Variants in LINGO2 observed in about 807,000 individuals in gnomAD.
The protein encoded by LINGO2 is leucine-rich repeat and immunoglobulin-like domain-containing nogo receptor-interacting protein 2.
Under a neutral mutation model 30.6 loss-of-function variants are expected in LINGO2, and 14 were observed. That is an observed-to-expected ratio of 0.46 (90% CI 0.30 to 0.72). LINGO2 has a LOEUF of 0.72. LINGO2 is among the 30% of genes least tolerant of loss of function. The pLI is 0.07. For synonymous variants in LINGO2, 317 were observed against 288.5 expected (o/e 1.10, Z -1.00); for missense variants, 729 against 751.7 (o/e 0.97, Z 0.35).
chr9:28,084,089 T>TA (rs1265623212), intron 4 of LINGO2, among the ~76,000 whole-genome samples: 1 of 152,162 alleles, frequency 6.6e-6, no homozygotes, highest in Non-Finnish European at 1.5e-5. Context: ...ATTTCTGTAT[T>TA]AATTTCTGTG....
the LINGO2 span, among the ~76,000 whole-genome samples, chr9:28,944,132 T>C: frequency 3.9e-5 from 6 of 152,172 alleles, no homozygotes; most frequent in African/African-American, 1.4e-4. Context: ...TTCTACCACA[T>C]CTAGACAGTT....
intron 4 of LINGO2, among the ~76,000 whole-genome samples, chr9:28,174,133 C>A (rs968461875): frequency 1.3e-5 from 2 of 152,202 alleles, no homozygotes; most frequent in African/African-American, 4.8e-5. Context: ...TTCTGTTAAG[C>A]TATTCCAAAG....
At chr9:28,399,230 T>C (rs1039174115) in intron 2 of LINGO2, among the ~76,000 whole-genome samples, 3 of 152,208 alleles carry the variant, frequency 2.0e-5, no homozygotes, top group Non-Finnish European at 4.4e-5. Flanking sequence ...CAAACCTTTC[T>C]TCTGGGGACT....
chr9:28,213,417 A>T (rs2133867413), intron 4 of LINGO2, among the ~76,000 whole-genome samples: 1 of 151,608 alleles, frequency 6.6e-6, no homozygotes, highest in Non-Finnish European at 1.5e-5. Flanking sequence ...GAGTGATCAA[A>T]CAATTTCAAG....
chr9:29,127,227 A>G, the LINGO2 span, among the ~76,000 whole-genome samples: 2 of 151,984 alleles, frequency 1.3e-5, no homozygotes, highest in South Asian at 4.2e-4. Flanking sequence ...TGTACTCTGA[A>G]ATCTGTGTTT....
At chr9:27,981,844 C>G (rs1219488991) in intron 5 of LINGO2, among the ~76,000 whole-genome samples, 1 of 151,768 alleles carries the variant, frequency 6.6e-6, no homozygotes, top group East Asian at 1.9e-4. Context: ...TTTCTACTCC[C>G]TGACTATTTG....
chr9:28,090,479 A>G (rs1197603106), intron 4 of LINGO2, among the ~76,000 whole-genome samples: 2 of 152,218 alleles, frequency 1.3e-5, no homozygotes, highest in African/African-American at 2.4e-5. Flanking sequence ...GATTATCTCA[A>G]TAGAAGCAGA....
chr9:28,500,905 T>C (rs1819856778), intron 1 of LINGO2, among the ~76,000 whole-genome samples: 1 of 152,054 alleles, frequency 6.6e-6, no homozygotes, highest in Non-Finnish European at 1.5e-5. Flanking sequence ...AATATTAAAT[T>C]AGTCTAAGGT....
chr9:28,736,986 A>G, the LINGO2 span, among the ~76,000 whole-genome samples: 2 of 152,088 alleles, frequency 1.3e-5, no homozygotes, highest in East Asian at 3.9e-4. Flanking sequence ...CTCCTAATTC[A>G]GGCCTTGGGT....
chr9:28,148,710 C>G lies in LINGO2; in HGVS notation c.-86-136305G>C. 2.6e-6 allele frequency: 4 copies of G among 1,533,608 alleles called. No individual in the cohort carries two copies. The highest frequency in any genetic ancestry group is 2.0e-5 in the Admixed American group (1 of 51,006). On this transcript the variant is annotated intron_variant, in intron 4 of 5. Coordinates refer to ENST00000379992, the Ensembl canonical transcript of LINGO2. This position sits in a 1 kb window ranked among gnomAD's most constrained non-coding sequence, Gnocchi z 5.1. ...TCCAACGGCCATGGAGTCGCCAGTT[C>G]ACACAGCCCTGCTGGAGGCATCCTT... is the stretch of plus-strand genomic sequence containing the variant.
At chr9:28,455,108 T>C (rs1056652938) in intron 2 of LINGO2, among the ~76,000 whole-genome samples, 1 of 152,026 alleles carries the variant, frequency 6.6e-6, no homozygotes, top group Non-Finnish European at 1.5e-5. Context: ...TTAAATAAAA[T>C]TTCCCTTCTG....
chr9:29,050,742 G>GC, the LINGO2 span, among the ~76,000 whole-genome samples: 1 of 152,080 alleles, frequency 6.6e-6, no homozygotes, highest in Non-Finnish European at 1.5e-5. Flanking sequence ...CAGCATTGCT[G>GC]CAACAGTTGA....
chr9:28,435,350 C>T (rs942490787), intron 2 of LINGO2, among the ~76,000 whole-genome samples: 6 of 152,078 alleles, frequency 3.9e-5, no homozygotes, highest in Non-Finnish European at 5.9e-5. Context: ...TTTTATTTAG[C>T]GGTATCACTA....
chr9:28,963,183 G>T, the LINGO2 span, among the ~76,000 whole-genome samples: 1 of 151,874 alleles, frequency 6.6e-6, no homozygotes, highest in African/African-American at 2.4e-5. Flanking sequence ...ACTAATACTT[G>T]AGAAGAGTAT....
the LINGO2 span, among the ~76,000 whole-genome samples, chr9:28,813,209 C>T: frequency 1.2e-4 from 19 of 152,130 alleles, no homozygotes; most frequent in Non-Finnish European, 2.8e-4. Flanking sequence ...TAGCCCAGCC[C>T]CCCCCAATTA....
At chr9:28,026,882 G>T (rs556311541) in intron 4 of LINGO2, among the ~76,000 whole-genome samples, 1 of 152,242 alleles carries the variant, frequency 6.6e-6, no homozygotes, top group East Asian at 1.9e-4. Flanking sequence ...GTCTAAAAAT[G>T]TTGAAGATCT....
At chr9:28,725,075 C>G in the LINGO2 span, among the ~76,000 whole-genome samples, 1 of 151,806 alleles carries the variant, frequency 6.6e-6, no homozygotes, top group Admixed American at 6.6e-5. Context: ...AAAAAAAATT[C>G]AGAGCGTATT....
intron 1 of LINGO2, among the ~76,000 whole-genome samples, chr9:28,613,632 G>A (rs1404744750): frequency 6.6e-6 from 1 of 152,086 alleles, no homozygotes. Context: ...GGATAGGGAG[G>A]TTACAGAAAG....
chr9:27,999,949 A>G (rs1250750274), intron 5 of LINGO2, among the ~76,000 whole-genome samples: 2 of 152,188 alleles, frequency 1.3e-5, no homozygotes, highest in African/African-American at 2.4e-5. Context: ...CTGTGACTCA[A>G]TATTAGCTCC....
Sources: allele counts gnomAD v4.1 joint callset (sites outside exome capture counted in the v4.1 genomes callset), GRCh38; gene constraint gnomAD v4.1.1; non-coding constraint Gnocchi (gnomAD v3.1); transcripts MANE v1.5; gene names NCBI Gene and HGNC (gene_info 2026-07-23, HGNC 2026-07-21).